Variants in SDK1 observed in about 807,000 individuals in gnomAD.
The protein encoded by SDK1 is sidekick cell adhesion molecule 1, also known as protein sidekick-1.
SDK1 carries 157 observed loss-of-function variants against 245.5 expected under a neutral mutation model. That is an observed-to-expected ratio of 0.64 (90% CI 0.56 to 0.73). The LOEUF (loss-of-function observed/expected upper bound fraction) is 0.73. SDK1 is among the 30% of genes least tolerant of loss of function. The probability of loss-of-function intolerance (pLI) is 0.00; values close to 1 mark genes in which losing one functional copy is unlikely to be tolerated. For missense variants in SDK1, 3,583 were observed against 3,002.3 expected (o/e 1.19, Z -4.52); for synonymous variants, 1,647 against 1,278.5 (o/e 1.29, Z -6.15).
chr7:4,198,860 C>G lies in SDK1; in HGVS notation c.5099-7019C>G, dbSNP rs547915034. On this transcript the variant is annotated intron_variant, in intron 35 of 44. Transcript: ENST00000404826. ...ACAGAGTCTTGCTTTGTCGCCCAGG[C>G]TGGAGTGCAGTGGCGTGATCTCGGC... Among the ~76,000 whole-genome samples, 8 of 149,666 alleles carry G rather than the reference C, an allele frequency of 5.3e-5. No individual in the cohort carries two copies. In the South Asian group the frequency reaches 6.3e-4, roughly 12 times the overall value.
intron 41 of SDK1, 78 bp downstream of exon 41, chr7:4,233,497 C>T (rs1583139030): frequency 7.2e-7 from 1 of 1,395,334 alleles, no homozygotes; most frequent in Admixed American, 1.8e-5. Context: ...CCAGGGAGGT[C>T]TGTCTTCTCC....
At chr7:3,998,302 A>G (rs892564868) in intron 14 of SDK1, among the ~76,000 whole-genome samples, 4 of 152,252 alleles carry the variant, frequency 2.6e-5, no homozygotes, top group Non-Finnish European at 5.9e-5. Flanking sequence ...AGCTGGCATG[A>G]TGGCAGCGGC....
At chr7:3,582,921 G>A (rs1257228977) in intron 1 of SDK1, among the ~76,000 whole-genome samples, 2 of 152,110 alleles carry the variant, frequency 1.3e-5, no homozygotes, top group African/African-American at 4.8e-5. Context: ...AGTGTGTGTA[G>A]GAAAAGGGGG....
intron 11 of SDK1, 56 bp from the exon 12 acceptor site, chr7:3,971,410 G>A (rs938304345): frequency 5.6e-6 from 7 of 1,242,256 alleles, no homozygotes; most frequent in African/African-American, 1.5e-5. Flanking sequence ...CCCCCCTGAG[G>A]GCAGAAACTG....
At chr7:3,475,323 C>A (rs1430344620) in intron 1 of SDK1, among the ~76,000 whole-genome samples, 1 of 152,208 alleles carries the variant, frequency 6.6e-6, no homozygotes, top group African/African-American at 2.4e-5. Flanking sequence ...CCTCCCCAGC[C>A]CTGCCCCTTA....
chr7:3,981,660 T>G (rs1783412494), intron 13 of SDK1, among the ~76,000 whole-genome samples: 1 of 152,150 alleles, frequency 6.6e-6, no homozygotes, highest in Non-Finnish European at 1.5e-5. Context: ...TTGAGTGGTC[T>G]GGAGAGAAAA....
chr7:3,678,558 C>T (rs1167017050), intron 4 of SDK1, among the ~76,000 whole-genome samples: 2 of 152,194 alleles, frequency 1.3e-5, no homozygotes, highest in Non-Finnish European at 2.9e-5. Context: ...GTTTCACTTA[C>T]ATGAGGTCTC....
In SDK1 at chr7:3,820,978, A is replaced by G. The variant is rs73672184; in HGVS notation, c.714-472A>G. On this transcript the variant is annotated intron_variant, in intron 4 of 44. Coordinates refer to ENST00000404826, the MANE Select transcript of SDK1 (RefSeq NM_152744.4). ...TGTGCCCATTGGCGACTTTCCTTCTACGCACCAGTGTAGATATCCATACAC... is the reference window on the plus strand; with the variant it reads ...TGTGCCCATTGGCGACTTTCCTTCTGCGCACCAGTGTAGATATCCATACAC... Among the ~76,000 whole-genome samples the G allele has an allele frequency of 5.9e-3, 896 of 152,354 alleles. 7 individuals carry two copies. The highest frequency in any genetic ancestry group is 0.02 in the African/African-American group (836 of 41,586).
chr7:3,499,382 A>T (rs188616886), intron 1 of SDK1, among the ~76,000 whole-genome samples: 3 of 152,266 alleles, frequency 2.0e-5, no homozygotes, highest in Admixed American at 2.0e-4. Context: ...TAATTGTCAG[A>T]TGTATGCCAC....
At chr7:3,641,650 C>G (rs1235363110) in intron 3 of SDK1, among the ~76,000 whole-genome samples, 1 of 152,230 alleles carries the variant, frequency 6.6e-6, no homozygotes, top group East Asian at 1.9e-4. Flanking sequence ...TCTAGGATGG[C>G]TTCAGCATTT....
intron 23 of SDK1, among the ~76,000 whole-genome samples, chr7:4,111,216 A>G (rs993733153): frequency 1.3e-5 from 2 of 152,310 alleles, no homozygotes; most frequent in East Asian, 1.9e-4. Context: ...TTATCAAGCA[A>G]TTAACATGCC....
At chr7:3,983,162 A>G (rs114505175) in intron 13 of SDK1, among the ~76,000 whole-genome samples, 1 of 152,196 alleles carries the variant, frequency 6.6e-6, no homozygotes, top group Admixed American at 6.5e-5. Flanking sequence ...TGAAATGGCA[A>G]CAAGGCCTTA....
chr7:3,953,773 C>T (rs1395793160), intron 7 of SDK1, among the ~76,000 whole-genome samples: 16 of 152,144 alleles, frequency 1.1e-4, no homozygotes, highest in Non-Finnish European at 7.3e-5. Flanking sequence ...AGCACCTCTC[C>T]GTGTTCTGAC....
intron 1 of SDK1, among the ~76,000 whole-genome samples, chr7:3,324,446 A>G (rs1779892980): frequency 6.6e-6 from 1 of 152,118 alleles, no homozygotes. Context: ...TCAGCCTTTG[A>G]AAAGTCGTTA....
chr7:3,664,886 C>T (rs1427883170), intron 4 of SDK1, among the ~76,000 whole-genome samples: 1 of 152,086 alleles, frequency 6.6e-6, no homozygotes, highest in Non-Finnish European at 1.5e-5. Flanking sequence ...GAAACTGTTA[C>T]TTTCATATCT....
intron 1 of SDK1, among the ~76,000 whole-genome samples, chr7:3,597,001 T>G (rs1243036776): frequency 6.6e-6 from 1 of 152,094 alleles, no homozygotes; most frequent in African/African-American, 2.4e-5. Context: ...CTGAGCGAGG[T>G]GACTCACACC....
intron 38 of SDK1, among the ~76,000 whole-genome samples, 184 bp downstream of exon 38, chr7:4,210,346 C>T (rs754250238): frequency 9.2e-5 from 14 of 152,096 alleles, no homozygotes; most frequent in African/African-American, 1.7e-4. Flanking sequence ...CGGGGACTCG[C>T]GGGGAAAGGC....
At chr7:3,891,871 A>T (rs939862671) in intron 5 of SDK1, among the ~76,000 whole-genome samples, 1 of 152,030 alleles carries the variant, frequency 6.6e-6, no homozygotes, top group East Asian at 1.9e-4. Context: ...TTCCCTTTCA[A>T]TTGTATTTGC....
At chr7:3,387,671 T>G (rs1781643463) in intron 1 of SDK1, among the ~76,000 whole-genome samples, 1 of 152,208 alleles carries the variant, frequency 6.6e-6, no homozygotes, top group African/African-American at 2.4e-5. Flanking sequence ...CACAACGATG[T>G]GAATGTATGT....
Sources: gnomAD v4.1 joint callset for allele counts (sites outside exome capture counted in the v4.1 genomes callset) on GRCh38, gnomAD v4.1.1 for gene constraint, MANE v1.5 for transcripts, NCBI Gene and HGNC (gene_info 2026-07-23, HGNC 2026-07-21) for gene names.